OPCML: variants seen among roughly 807,000 people sequenced by gnomAD.
OPCML encodes the protein opioid binding protein/cell adhesion molecule like, also known as opioid-binding protein/cell adhesion molecule.
A neutral mutation model predicts 37.8 loss-of-function variants in OPCML; 13 were observed. The observed-to-expected ratio is 0.34, with a 90% CI of 0.22 to 0.55. The LOEUF is 0.55. Among genes scored for constraint, OPCML ranks in the 20% least tolerant of loss-of-function variants. The pLI is 0.91. For missense variants in OPCML, 341 were observed against 435.6 expected, an observed-to-expected ratio of 0.78 and a Z score of 1.93; for synonymous variants, 176 against 168.8, an observed-to-expected ratio of 1.04 and a Z score of -0.33.
intron 1 of OPCML, among the ~76,000 whole-genome samples, chr11:133,450,458 C>A (rs935637642): frequency 2.0e-5 from 3 of 151,356 alleles, no homozygotes; most frequent in African/African-American, 4.9e-5. Flanking sequence ...CTGTAATCAA[C>A]CTTTCTAATT....
chr11:133,272,192 G>A (rs1172973572), intron 1 of OPCML, among the ~76,000 whole-genome samples: 2 of 150,022 alleles, frequency 1.3e-5, no homozygotes, highest in African/African-American at 4.9e-5. Context: ...GATAGTTAGG[G>A]TTAGTAATAA....
chr11:132,577,916 G>C (rs537301177), intron 3 of OPCML, among the ~76,000 whole-genome samples: 2 of 152,178 alleles, frequency 1.3e-5, no homozygotes, highest in East Asian at 3.9e-4. Context: ...CATCAGCCAT[G>C]CTCATAGTTA....
chr11:133,367,055 T>C (rs565286811), intron 1 of OPCML, among the ~76,000 whole-genome samples: 2 of 152,304 alleles, frequency 1.3e-5, no homozygotes, highest in East Asian at 3.9e-4. Flanking sequence ...CTCGGTTCAA[T>C]GCAACCTCTG....
rs1414663263 is a variant in OPCML, at chr11:132,419,959, C to T, written c.*234G>A. 8 of 504,586 alleles carry T rather than the reference C, an allele frequency of 1.6e-5. No individual in the cohort carries two copies. Among genetic ancestry groups the T allele is most frequent in the African/African-American group, 9.8e-5 (5 of 50,996 alleles). The allele number at this position is 504,586 out of a possible 1,614,324, so 31.3% of individuals were successfully genotyped here. ...CAGGAGCAGACCCCATTTTTGGACACACCAATGAATGATTATCCTACACGT... is the reference window on the plus strand; with the variant it reads ...CAGGAGCAGACCCCATTTTTGGACATACCAATGAATGATTATCCTACACGT... On this transcript the variant is annotated 3_prime_UTR_variant, in exon 8 of 8. Transcript: ENST00000524381.
At chr11:133,147,870 C>T (rs762685454) in intron 1 of OPCML, among the ~76,000 whole-genome samples, 8 of 152,170 alleles carry the variant, frequency 5.3e-5, no homozygotes, top group Admixed American at 2.0e-4. Flanking sequence ...TCTGCAAAGA[C>T]GGAATGATGA....
intron 1 of OPCML, chr11:133,003,572 G>T (rs11820202): frequency 7.0e-6 from 6 of 855,422 alleles, no homozygotes; most frequent in Non-Finnish European, 8.4e-6. Flanking sequence ...ATAAACATTC[G>T]CAAGTTCCAG....
chr11:133,397,585 C>T (rs531079125), intron 1 of OPCML, among the ~76,000 whole-genome samples: 4 of 152,292 alleles, frequency 2.6e-5, no homozygotes, highest in South Asian at 2.1e-4. Flanking sequence ...AACATTTGGG[C>T]GATGCATTTG....
At chr11:133,289,767 C>T (rs946909076) in intron 1 of OPCML, among the ~76,000 whole-genome samples, 2 of 152,100 alleles carry the variant, frequency 1.3e-5, no homozygotes, top group African/African-American at 4.8e-5. Flanking sequence ...ATGTTTAAGC[C>T]TGGACATGAG....
intron 1 of OPCML, among the ~76,000 whole-genome samples, chr11:133,100,904 CAAT>C (rs535618345): frequency 9.5e-4 from 144 of 152,218 alleles, no homozygotes; most frequent in Non-Finnish European, 1.8e-3. Context: ...TTGGATACAA[CAAT>C]GTGTTATTTT....
chr11:133,515,719 C>A (rs149368168), intron 1 of OPCML, among the ~76,000 whole-genome samples: 2 of 152,022 alleles, frequency 1.3e-5, no homozygotes, highest in Non-Finnish European at 2.9e-5. Flanking sequence ...CCTTTACCAC[C>A]AGTCCAGAAA....
chr11:133,335,382 G>T (rs937431317), intron 1 of OPCML, among the ~76,000 whole-genome samples: 3 of 152,074 alleles, frequency 2.0e-5, no homozygotes, highest in East Asian at 3.9e-4. Flanking sequence ...ACAAGTGGCC[G>T]GCAGATTGTC....
chr11:133,096,776 G>C (rs1209581138), intron 1 of OPCML, among the ~76,000 whole-genome samples: 1 of 151,956 alleles, frequency 6.6e-6, no homozygotes, highest in Non-Finnish European at 1.5e-5. Context: ...ATTAGAGCAA[G>C]GTAAGTCATC....
chr11:132,499,784 G>A (rs2096241728), intron 4 of OPCML, among the ~76,000 whole-genome samples: 1 of 152,188 alleles, frequency 6.6e-6, no homozygotes, highest in African/African-American at 2.4e-5. Context: ...TGGCAACTGA[G>A]GAAGAGCACA....
chr11:133,516,891 T>G (rs1478160921), intron 1 of OPCML, among the ~76,000 whole-genome samples: 1 of 152,236 alleles, frequency 6.6e-6, no homozygotes, highest in Non-Finnish European at 1.5e-5. Context: ...GATGTGTTAC[T>G]CATTTTTACC....
chr11:132,984,381 C>T (rs1383353943), intron 1 of OPCML, among the ~76,000 whole-genome samples: 1 of 152,032 alleles, frequency 6.6e-6, no homozygotes, highest in Non-Finnish European at 1.5e-5. Context: ...GTACTGGGAC[C>T]TTGGGGAAAT....
At chr11:133,414,784 T>C (rs1282853600) in intron 1 of OPCML, among the ~76,000 whole-genome samples, 2 of 152,106 alleles carry the variant, frequency 1.3e-5, no homozygotes, top group East Asian at 3.9e-4. Context: ...TGAAAGCACT[T>C]CCCTGGTGTC....
rs139844918 is a variant in OPCML at position 133,121,407 on chromosome 11, G to A, written c.62-178397C>T. Reference sequence around the variant, plus strand: ...GAATGCCTGCCAAGAATAGGTATTCGTTACGATAGATAAAAGATATCCTCG... The same window carrying A: ...GAATGCCTGCCAAGAATAGGTATTCATTACGATAGATAAAAGATATCCTCG... On this transcript the variant is annotated intron_variant, in intron 1 of 7. Transcript: ENST00000524381. 3.3e-4 allele frequency among the ~76,000 whole-genome samples: 50 copies of A among 152,196 alleles called. No individual in the cohort carries two copies. In the East Asian group the frequency reaches 3.9e-3, roughly 12 times the overall value.
In OPCML at chr11:133,161,133, C is replaced by T. The variant is rs73596450; in HGVS notation, c.62-218123G>A. Among the ~76,000 whole-genome samples, 1,365 of 152,348 alleles carry T rather than the reference C, an allele frequency of 9.0e-3. 16 individuals are homozygous for T. Among genetic ancestry groups the T allele is most frequent in the African/African-American group, 0.032 (1,318 of 41,594 alleles). Reference sequence around the variant, plus strand: ...GAGGATGTTCAGACAAGCCAGGGCACACCTTTGACTGTGTTTTATTGTGGT... The same window carrying T: ...GAGGATGTTCAGACAAGCCAGGGCATACCTTTGACTGTGTTTTATTGTGGT... On this transcript the variant is annotated intron_variant, in intron 1 of 7. Coordinates refer to ENST00000524381, the MANE Select transcript of OPCML (RefSeq NM_001012393.5).
At chr11:132,832,594 G>A (rs775640235) in intron 2 of OPCML, among the ~76,000 whole-genome samples, 9 of 152,040 alleles carry the variant, frequency 5.9e-5, no homozygotes, top group Admixed American at 3.3e-4. Context: ...AAACAAAAAC[G>A]TGAAAAAAAT....
Sources: gnomAD v4.1 joint callset for allele counts (sites outside exome capture counted in the v4.1 genomes callset) on GRCh38, gnomAD v4.1.1 for gene constraint, MANE v1.5 for transcripts, NCBI Gene and HGNC (gene_info 2026-07-23, HGNC 2026-07-21) for gene names.